The following SORCS2 variants were observed in gnomAD, a reference collection of about 807,000 sequenced individuals.
SORCS2 encodes the protein VPS10 domain-containing receptor SorCS2.
A neutral mutation model predicts 141.6 loss-of-function variants in SORCS2; 100 were observed. That is an observed-to-expected ratio of 0.71 (90% CI 0.60 to 0.83). The LOEUF (loss-of-function observed/expected upper bound fraction) is 0.83, where lower values mean the gene tolerates loss of function less well. Among genes scored for constraint, SORCS2 ranks in the 40% least tolerant of loss-of-function variants. The pLI, the probability that SORCS2 is intolerant of heterozygous loss-of-function variation, is 0.00. For missense variants in SORCS2, 1,646 were observed against 1,560.2 expected (o/e 1.05, Z -0.93); for synonymous variants, 789 against 676.9 (o/e 1.17, Z -2.57).
At chr4:7,591,296 T>C (rs535598146) in intron 3 of SORCS2, among the ~76,000 whole-genome samples, 75 of 152,318 alleles carry the variant, frequency 4.9e-4, no homozygotes, top group Admixed American at 8.5e-4. Flanking sequence ...CCATCAGTTA[T>C]GGTCCCGTTT....
intron 24 of SORCS2, among the ~76,000 whole-genome samples, chr4:7,733,823 G>A (rs1168595639): frequency 6.6e-6 from 1 of 152,224 alleles, no homozygotes; most frequent in Non-Finnish European, 1.5e-5. Context: ...ACATAGCCGG[G>A]GAGCTCTGCC....
intron 8 of SORCS2, among the ~76,000 whole-genome samples, chr4:7,670,424 A>G (rs746013468): frequency 6.6e-6 from 1 of 152,228 alleles, no homozygotes; most frequent in African/African-American, 2.4e-5. Context: ...AAAAGCATTC[A>G]CAAGAATGGG....
intron 1 of SORCS2, among the ~76,000 whole-genome samples, chr4:7,323,910 G>C (rs1276998801): frequency 1.3e-5 from 2 of 152,138 alleles, no homozygotes; most frequent in Non-Finnish European, 2.9e-5. Context: ...CTTGACACTG[G>C]TATACACCAC....
intron 1 of SORCS2, among the ~76,000 whole-genome samples, chr4:7,194,338 C>T (rs888910989): frequency 2.0e-5 from 3 of 152,180 alleles, no homozygotes; most frequent in Non-Finnish European, 4.4e-5. Context: ...GTCACTTGTG[C>T]CCATCTCCTC....
intron 2 of SORCS2, 35 bp downstream of exon 2, chr4:7,396,390 C>A: frequency 6.2e-7 from 1 of 1,605,046 alleles, no homozygotes. Context: ...TTCTCTTATG[C>A]ACCTGCGTGC....
intron 2 of SORCS2, among the ~76,000 whole-genome samples, chr4:7,453,578 G>C (rs1577589459): frequency 1.4e-5 from 2 of 139,436 alleles, no homozygotes; most frequent in African/African-American, 5.5e-5. Flanking sequence ...TGCTGTGTTG[G>C]GGTCAGGCAC....
chr4:7,489,871 C>G (rs1369806177), intron 2 of SORCS2, among the ~76,000 whole-genome samples: 1 of 152,146 alleles, frequency 6.6e-6, no homozygotes, highest in Non-Finnish European at 1.5e-5. Context: ...GACCAGGACA[C>G]TGACAGGGCT....
intron 18 of SORCS2, among the ~76,000 whole-genome samples, chr4:7,722,416 C>T (rs1226183839): frequency 6.6e-6 from 1 of 152,190 alleles, no homozygotes; most frequent in Non-Finnish European, 1.5e-5. Flanking sequence ...ACCCTGCAGC[C>T]TCCTTCCTAG....
At chr4:7,627,988 C>A (rs1006078369) in intron 3 of SORCS2, among the ~76,000 whole-genome samples, 30 of 152,212 alleles carry the variant, frequency 2.0e-4, no homozygotes, top group African/African-American at 6.5e-4. Flanking sequence ...GGCGAGGACG[C>A]CAGAGACCCT....
At position 7,340,829 on chromosome 4, in the gene SORCS2, G is replaced by A. The variant is rs192776144; in HGVS notation, c.481-55459G>A. 3.1e-3 allele frequency among the ~76,000 whole-genome samples: 477 copies of A among 152,318 alleles called. 1 individual carries two copies. The highest frequency in any genetic ancestry group is 4.8e-3 in the Non-Finnish European group (329 of 68,030). ...CTTGGGACCCATTGAGAAATAAGACGCACAAGCCAAACTTTAGAGATCAAA... is the reference window on the plus strand; with the variant it reads ...CTTGGGACCCATTGAGAAATAAGACACACAAGCCAAACTTTAGAGATCAAA... On this transcript the variant is annotated intron_variant, in intron 1 of 26. Coordinates refer to ENST00000507866, the MANE Select transcript of SORCS2 (RefSeq NM_020777.3).
At chr4:7,366,324 G>A (rs767714530) in intron 1 of SORCS2, among the ~76,000 whole-genome samples, 2 of 151,966 alleles carry the variant, frequency 1.3e-5, no homozygotes, top group African/African-American at 4.8e-5. Context: ...CTGGCCTTGC[G>A]GTGAGTGCGT....
chr4:7,562,002 A>G (rs1449649811), intron 3 of SORCS2, among the ~76,000 whole-genome samples: 1 of 152,250 alleles, frequency 6.6e-6, no homozygotes, highest in Non-Finnish European at 1.5e-5. Flanking sequence ...AAATATTTCT[A>G]GAGGACGTAC....
chr4:7,222,996 G>A (rs1577293969), intron 1 of SORCS2, among the ~76,000 whole-genome samples: 3 of 152,158 alleles, frequency 2.0e-5, no homozygotes, highest in African/African-American at 7.2e-5. Flanking sequence ...GGGCTCCTCT[G>A]CCTGGATCCT....
At chr4:7,567,660 C>A (rs181313140) in intron 3 of SORCS2, among the ~76,000 whole-genome samples, 1 of 152,132 alleles carries the variant, frequency 6.6e-6, no homozygotes. Flanking sequence ...TTCTCTTTGG[C>A]GCCCTTTGCA....
intron 3 of SORCS2, among the ~76,000 whole-genome samples, chr4:7,598,309 G>C (rs965062091): frequency 4.6e-5 from 7 of 152,206 alleles, no homozygotes; most frequent in African/African-American, 1.4e-4. Flanking sequence ...GGAGGGCTGG[G>C]GCTGGCTTTG....
chr4:7,676,451 G>A (rs1032319589), intron 9 of SORCS2, among the ~76,000 whole-genome samples: 1 of 152,190 alleles, frequency 6.6e-6, no homozygotes, highest in Non-Finnish European at 1.5e-5. Flanking sequence ...GAGGAAATTC[G>A]AAATACAATG....
chr4:7,293,481 T>C (rs1337034555), intron 1 of SORCS2, among the ~76,000 whole-genome samples: 1 of 152,214 alleles, frequency 6.6e-6, no homozygotes, highest in Non-Finnish European at 1.5e-5. Context: ...ATGTCTCCAA[T>C]GATCCCTCTG....
At chr4:7,310,195 C>T (rs4689697) in intron 1 of SORCS2, among the ~76,000 whole-genome samples, 115,859 of 152,056 alleles carry the variant, frequency 0.76, 46,247 homozygotes, top group Non-Finnish European at 0.88. Flanking sequence ...GCTGGGCCTC[C>T]GCTGGGCAGC....
At chr4:7,392,942 G>C (rs1166760643) in intron 1 of SORCS2, among the ~76,000 whole-genome samples, 1 of 150,792 alleles carries the variant, frequency 6.6e-6, no homozygotes, top group African/African-American at 2.4e-5. Context: ...GTCGATGCTT[G>C]TCACAGGCTG....
Sources: allele counts gnomAD v4.1 joint callset (sites outside exome capture counted in the v4.1 genomes callset), GRCh38; gene constraint gnomAD v4.1.1; transcripts MANE v1.5; gene names NCBI Gene and HGNC (gene_info 2026-07-23, HGNC 2026-07-21).